The following MEI4 variants were observed in gnomAD, a reference collection of about 807,000 sequenced individuals.
MEI4 encodes the protein meiosis-specific protein MEI4.
In MEI4, 27 loss-of-function variants were observed where a neutral mutation model predicts 31.4. The ratio of observed to expected loss-of-function variants is 0.86; its 90% CI spans 0.63 to 1.19. The LOEUF (loss-of-function observed/expected upper bound fraction) is 1.19. Among genes scored for constraint, MEI4 ranks in the 50% most tolerant of loss-of-function variants. The probability of loss-of-function intolerance (pLI) is 0.00; values close to 1 mark genes in which losing one functional copy is unlikely to be tolerated. For missense variants in MEI4, 329 were observed against 398.9 expected, an observed-to-expected ratio of 0.82 and a Z score of 1.49; for synonymous variants, 122 against 145.4, an observed-to-expected ratio of 0.84 and a Z score of 1.16.
At chr6:77,667,995 T>A (rs2127644606) in intron 1 of MEI4, among the ~76,000 whole-genome samples, 1 of 151,526 alleles carries the variant, frequency 6.6e-6, no homozygotes, top group South Asian at 2.1e-4. Context: ...TTCTCCATTG[T>A]GACAGTCTGA....
chr6:77,769,111 A>C (rs984624931), intron 3 of MEI4, among the ~76,000 whole-genome samples: 3 of 152,158 alleles, frequency 2.0e-5, no homozygotes. Context: ...GAGGGCAAGA[A>C]AATCTGTCTT....
At chr6:77,798,895 T>C (rs889269222) in intron 3 of MEI4, among the ~76,000 whole-genome samples, 4 of 151,904 alleles carry the variant, frequency 2.6e-5, no homozygotes, top group African/African-American at 9.7e-5. Flanking sequence ...TCTATCATTG[T>C]TGGACATTTG....
intron 4 of MEI4, among the ~76,000 whole-genome samples, chr6:77,832,240 C>T (rs1440865807): frequency 5.9e-5 from 9 of 151,754 alleles, no homozygotes; most frequent in East Asian, 5.8e-4. Flanking sequence ...ATTTCTCTGT[C>T]GATATAAAGA....
intron 4 of MEI4, among the ~76,000 whole-genome samples, chr6:77,920,329 G>T (rs958258479): frequency 1.3e-5 from 2 of 152,058 alleles, no homozygotes; most frequent in South Asian, 2.1e-4. Context: ...TCCGTGGGAT[G>T]CAAGGCTGTT....
chr6:77,683,889 A>G (rs1329269255), intron 1 of MEI4, among the ~76,000 whole-genome samples: 2 of 152,116 alleles, frequency 1.3e-5, no homozygotes, highest in Admixed American at 6.6e-5. Flanking sequence ...TTTCCTTTGG[A>G]TGTATACACA....
intron 2 of MEI4, among the ~76,000 whole-genome samples, chr6:77,755,693 T>C (rs1767897530): frequency 6.6e-6 from 1 of 151,944 alleles, no homozygotes; most frequent in African/African-American, 2.4e-5. Context: ...TGGGTGTTTA[T>C]TATAATGTTT....
At chr6:77,767,967 A>T (rs544130899) in intron 3 of MEI4, among the ~76,000 whole-genome samples, 56 of 152,318 alleles carry the variant, frequency 3.7e-4, no homozygotes, top group African/African-American at 1.3e-3. Flanking sequence ...AATACCTCTT[A>T]TTAAAATAAT....
Position 77,908,868 on chromosome 6 carries a change from C to A in MEI4, c.901-14221C>A, listed in dbSNP as rs1237197799. 3.3e-5 allele frequency among the ~76,000 whole-genome samples: 5 copies of A among 151,974 alleles called. No homozygotes were observed. The East Asian group carries it at 9.6e-4, about 29-fold the overall frequency. On this transcript the variant is annotated intron_variant, in intron 4 of 4. Coordinates refer to ENST00000684080, the MANE Select transcript of MEI4 (RefSeq NM_001322247.2). ...CATAAAACAAGTCCTTAGATACCTACAAAGAGAGAGACTTAGACTCCCACA... is the reference window on the plus strand; with the variant it reads ...CATAAAACAAGTCCTTAGATACCTAAAAAGAGAGAGACTTAGACTCCCACA...
chr6:77,781,128 C>T (rs1768586944), intron 3 of MEI4, among the ~76,000 whole-genome samples: 1 of 152,046 alleles, frequency 6.6e-6, no homozygotes, highest in Non-Finnish European at 1.5e-5. Flanking sequence ...GAACTCCTGG[C>T]TTCAAGTAAT....
chr6:77,874,474 G>T (rs911214379), intron 4 of MEI4, among the ~76,000 whole-genome samples: 1 of 152,206 alleles, frequency 6.6e-6, no homozygotes, highest in African/African-American at 2.4e-5. Context: ...AGACTTTGCT[G>T]AAGTTGCTTG....
At chr6:77,694,200 T>C (rs766557777) in intron 2 of MEI4, among the ~76,000 whole-genome samples, 3 of 152,010 alleles carry the variant, frequency 2.0e-5, no homozygotes, top group Admixed American at 6.6e-5. Flanking sequence ...CTATTTGAAA[T>C]TCAAATGTAA....
intron 3 of MEI4, among the ~76,000 whole-genome samples, chr6:77,800,060 C>G (rs1481097578): frequency 6.6e-6 from 1 of 152,030 alleles, no homozygotes; most frequent in Non-Finnish European, 1.5e-5. Flanking sequence ...ATGGGGATGG[C>G]ATTGAATCTA....
chr6:77,891,687 C>A (rs1771772715), intron 4 of MEI4, among the ~76,000 whole-genome samples: 1 of 151,872 alleles, frequency 6.6e-6, no homozygotes, highest in African/African-American at 2.4e-5. Context: ...TGTTTCCTTG[C>A]TTTTTCATAT....
rs569890954 is a variant in MEI4, at chr6:77,831,993, T to C, written c.900+2931T>C. ...ATCCCAATAACCCTGATTTGATAAT[T>C]ACGCATTGTATACATGTATGAAAAT... On this transcript the variant is annotated intron_variant, in intron 4 of 4. Coordinates refer to ENST00000684080, the MANE Select transcript of MEI4 (RefSeq NM_001322247.2). Among the ~76,000 whole-genome samples, 5 of 152,172 alleles carry C rather than the reference T, an allele frequency of 3.3e-5. No individual in the cohort carries two copies. In the South Asian group the frequency reaches 1.0e-3, roughly 32 times the overall value.
chr6:77,835,403 C>CACACACACACACAA lies in MEI4; in HGVS notation c.900+6342_900+6343insCACACACACACAAA, dbSNP rs1554168181. Among the ~76,000 whole-genome samples, 5 of 91,896 alleles carry CACACACACACACAA rather than the reference C, an allele frequency of 5.4e-5. No individual in the cohort carries two copies. The East Asian group carries it at 2.0e-3, about 37-fold the overall frequency. 60.3% of individuals were successfully genotyped at this position (91,896 alleles called of 152,430 possible). A position where few individuals can be genotyped will look rare whatever the true frequency, so the allele number is the denominator to read the frequency against. On this transcript the variant is annotated intron_variant, in intron 4 of 4. Transcript: ENST00000684080. ...ACACACACACACACACACACACACA[C>CACACACACACACAA]AAATAAAAAAAAAAAAAGAAGAGAA...
chr6:77,735,532 C>T (rs957691924), intron 2 of MEI4, among the ~76,000 whole-genome samples: 1 of 151,988 alleles, frequency 6.6e-6, no homozygotes, highest in Non-Finnish European at 1.5e-5. Flanking sequence ...GTTATACATT[C>T]TTCTAAATTT....
At chr6:77,892,552 G>T (rs573067921) in intron 4 of MEI4, among the ~76,000 whole-genome samples, 2 of 152,176 alleles carry the variant, frequency 1.3e-5, no homozygotes, top group Non-Finnish European at 2.9e-5. Flanking sequence ...CCTACTGCTG[G>T]AGGGGGCAGG....
chr6:77,874,759 T>G (rs1454457702), intron 4 of MEI4, among the ~76,000 whole-genome samples: 1 of 152,134 alleles, frequency 6.6e-6, no homozygotes, highest in Non-Finnish European at 1.5e-5. Flanking sequence ...AGATAGCTCT[T>G]ATTATTTTGA....
At chr6:77,824,961 C>T (rs1428808328) in intron 3 of MEI4, among the ~76,000 whole-genome samples, 1 of 152,160 alleles carries the variant, frequency 6.6e-6, no homozygotes, top group African/African-American at 2.4e-5. Context: ...TAACCAATCT[C>T]TATCACTTGT....
Sources: allele counts gnomAD v4.1 joint callset (sites outside exome capture counted in the v4.1 genomes callset), GRCh38; gene constraint gnomAD v4.1.1; transcripts MANE v1.5; gene names NCBI Gene and HGNC (gene_info 2026-07-23, HGNC 2026-07-21).